The following ANK3 variants were observed in gnomAD, a reference collection of about 807,000 sequenced individuals.
ANK3 encodes the protein ankyrin 3.
In ANK3, 57 loss-of-function variants were observed where a neutral mutation model predicts 370.9. The observed-to-expected ratio is 0.15, with a 90% CI of 0.12 to 0.19. The LOEUF (loss-of-function observed/expected upper bound fraction) is 0.19. ANK3 is among the 10% of genes least tolerant of loss of function. ANK3 has a pLI of 1.00. For synonymous variants in ANK3, 1,929 were observed against 1,946.3 expected, an observed-to-expected ratio of 0.99 and a Z score of 0.23; for missense variants, 4,439 against 5,302.1, an observed-to-expected ratio of 0.84 and a Z score of 5.06.
chr10:60,487,867 A>C (rs2075390748), intron 2 of ANK3, among the ~76,000 whole-genome samples: 1 of 151,922 alleles, frequency 6.6e-6, no homozygotes, highest in Admixed American at 6.6e-5. Flanking sequence ...GGCATGCTCC[A>C]CCATGCCTGG....
intron 21 of ANK3, among the ~76,000 whole-genome samples, chr10:60,167,628 A>G (rs1162473330): frequency 6.6e-6 from 1 of 152,064 alleles, no homozygotes; most frequent in Non-Finnish European, 1.5e-5. Flanking sequence ...CTGGTAAGAA[A>G]ATCTTAATGA....
intron 2 of ANK3, among the ~76,000 whole-genome samples, chr10:60,450,386 C>T (rs959710176): frequency 4.6e-5 from 7 of 152,080 alleles, no homozygotes; most frequent in Admixed American, 1.3e-4. Context: ...TGGCTGATTT[C>T]GAGCTGCCAA....
intron 36 of ANK3, 159 bp downstream of exon 36, chr10:60,080,378 C>A: frequency 3.3e-6 from 2 of 600,152 alleles, no homozygotes; most frequent in East Asian, 3.1e-5. Flanking sequence ...ACATCTTCAA[C>A]TAGGCACAAA....
Position 60,503,611 on chromosome 10 carries a change from C to G in ANK3, c.96+111575G>C, listed in dbSNP as rs552475397. Among the ~76,000 whole-genome samples, 18 of 152,294 alleles carry G rather than the reference C, an allele frequency of 1.2e-4. 1 individual carries two copies. Among genetic ancestry groups the G allele is most frequent in the Admixed American group, 1.0e-3 (16 of 15,296 alleles). On this transcript the variant is annotated intron_variant, in intron 2 of 43. Coordinates refer to the ANK3 transcript ENST00000373827. Reference sequence around the variant, plus strand: ...AGGACTGAAGCTCAGTATCTCTTTACTCCTCATCCACTCTTCCTTCTACAG... The same window carrying G: ...AGGACTGAAGCTCAGTATCTCTTTAGTCCTCATCCACTCTTCCTTCTACAG...
At chr10:60,161,444 A>T (rs1286760465) in intron 23 of ANK3, among the ~76,000 whole-genome samples, 1 of 152,214 alleles carries the variant, frequency 6.6e-6, no homozygotes. Context: ...ACCCTTGTTT[A>T]TTGCAGCACT....
In ANK3 at chr10:60,072,167, C is replaced by T. The variant is rs373699753; in HGVS notation, c.8714G>A (p.Arg2905His). ...NEFMSVTERE[R>H]KLLTNGSLSE... is the part of the protein sequence containing the mutation. ...GAGAGAGCCGTTTGTTAACAATTTGCGTTCTCTCTCAGTCACAGACATAAA... is the reference window on the plus strand; with the variant it reads ...GAGAGAGCCGTTTGTTAACAATTTGTGTTCTCTCTCAGTCACAGACATAAA... The change falls in exon 37 of 44, where the codon CGC (arginine) becomes CAC (histidine). Residue 2905 changes from arginine (R) to histidine (H), a missense_variant. By Grantham distance (29) the Arg-to-His change is conservative (BLOSUM62 0). This residue lies in a region of ANK3 where 1,601 missense variants were observed against 1,731.7 expected (regional missense o/e 0.92). Coordinates refer to ENST00000280772, the MANE Select transcript of ANK3 (RefSeq NM_020987.5). 1.5e-5 allele frequency: 25 copies of T among 1,613,576 alleles called. No individual in the cohort carries two copies. The highest frequency in any genetic ancestry group is 6.7e-5 in the African/African-American group (5 of 74,872).
chr10:60,581,571 C>G (rs540851162), intron 2 of ANK3, among the ~76,000 whole-genome samples: 1 of 151,672 alleles, frequency 6.6e-6, no homozygotes, highest in South Asian at 2.1e-4. Context: ...ATTACAGGCA[C>G]CTGCCACCAT....
chr10:60,368,067 G>A (rs2059625381), intron 1 of ANK3, among the ~76,000 whole-genome samples: 1 of 152,122 alleles, frequency 6.6e-6, no homozygotes, highest in South Asian at 2.1e-4. Context: ...TTGCAATAAT[G>A]AAATACAAGT....
intron 40 of ANK3, chr10:60,059,804 T>C (rs564012648): frequency 6.2e-7 from 1 of 1,614,136 alleles, no homozygotes; most frequent in African/African-American, 1.3e-5. Context: ...AAGCGTCTTC[T>C]GCAGTTACGA....
rs188812172 is a variant in ANK3 at position 60,499,522 on chromosome 10, C to A, written c.96+115664G>T. Among the ~76,000 whole-genome samples, 366 of 152,234 alleles carry A rather than the reference C, an allele frequency of 2.4e-3. 1 individual carries two copies. The highest frequency in any genetic ancestry group is 8.0e-3 in the African/African-American group (333 of 41,544). ...GGTCAAATTACTATCCACATAACAC[C>A]AATTTCATTTTACCATTTCTGTCCA... On this transcript the variant is annotated intron_variant, in intron 2 of 43. Transcript: ENST00000373827.
intron 2 of ANK3, among the ~76,000 whole-genome samples, chr10:60,395,115 T>C (rs565085979): frequency 1.3e-5 from 2 of 152,296 alleles, no homozygotes; most frequent in South Asian, 2.1e-4. Flanking sequence ...TTTGGAACAA[T>C]TTGGATATGC....
chr10:60,209,364 G>A (rs2096815280), intron 9 of ANK3, among the ~76,000 whole-genome samples: 1 of 152,144 alleles, frequency 6.6e-6, no homozygotes, highest in Non-Finnish European at 1.5e-5. Flanking sequence ...ATTTATCAAT[G>A]GATGACACAA....
chr10:60,437,225 G>A (rs1468264684), intron 2 of ANK3, among the ~76,000 whole-genome samples: 1 of 152,298 alleles, frequency 6.6e-6, no homozygotes, highest in African/African-American at 2.4e-5. Flanking sequence ...TAGAGTCCTA[G>A]AGGACTCAGC....
At chr10:60,383,677 C>A (rs2061854805) in intron 1 of ANK3, among the ~76,000 whole-genome samples, 1 of 152,026 alleles carries the variant, frequency 6.6e-6, no homozygotes, top group South Asian at 2.1e-4. Flanking sequence ...ACCATGCTCC[C>A]TGGAGACCTG....
At chr10:60,270,433 A>G (rs535503417) in intron 4 of ANK3, among the ~76,000 whole-genome samples, 263 of 152,340 alleles carry the variant, frequency 1.7e-3, no homozygotes, top group African/African-American at 6.1e-3. Flanking sequence ...ATTATATTTC[A>G]TAATTCATAA....
intron 7 of ANK3, among the ~76,000 whole-genome samples, chr10:60,240,074 T>TACACAC (rs1565912944): frequency 5.2e-5 from 7 of 133,346 alleles, no homozygotes; most frequent in Admixed American, 1.6e-4. Context: ...TACATATATA[T>TACACAC]ACATATATAC....
At chr10:60,154,920 T>G (rs994039188) in intron 23 of ANK3, among the ~76,000 whole-genome samples, 1 of 152,220 alleles carries the variant, frequency 6.6e-6, no homozygotes, top group African/African-American at 2.4e-5. Context: ...TTTATTTTAC[T>G]TGAATTTTCA....
chr10:60,372,370 G>T (rs2060212244), intron 1 of ANK3, among the ~76,000 whole-genome samples: 1 of 152,098 alleles, frequency 6.6e-6, no homozygotes, highest in South Asian at 2.1e-4. Flanking sequence ...TCTCATGATG[G>T]CTAAGAGAGG....
At chr10:60,095,004 G>C (rs773051483) in intron 28 of ANK3, among the ~76,000 whole-genome samples, 3 of 152,226 alleles carry the variant, frequency 2.0e-5, no homozygotes, top group African/African-American at 7.2e-5. Context: ...CAGACAGCTG[G>C]AGAGAGGCCC....
Sources: gnomAD v4.1 joint callset for allele counts (sites outside exome capture counted in the v4.1 genomes callset) on GRCh38, gnomAD v4.1.1 for gene constraint, gnomAD v4.1.1 regional missense constraint, MANE v1.5 for transcripts, NCBI Gene and HGNC (gene_info 2026-07-23, HGNC 2026-07-21) for gene names.